KCNK2: variants seen among roughly 807,000 people sequenced by gnomAD.
KCNK2 encodes the protein potassium channel subfamily K member 2.
A neutral mutation model predicts 40.5 loss-of-function variants in KCNK2; 21 were observed. The observed-to-expected ratio is 0.52, with a 90% CI of 0.37 to 0.75. The LOEUF is 0.75. Ranked by LOEUF, KCNK2 falls within the 30% of genes least tolerant of loss-of-function variation. The pLI is 0.00. For synonymous variants in KCNK2, 191 were observed against 202.2 expected, an observed-to-expected ratio of 0.94 and a Z score of 0.47; for missense variants, 399 against 531.6, an observed-to-expected ratio of 0.75 and a Z score of 2.45.
At chr1:215,108,944 C>T (rs537582687) in intron 2 of KCNK2, among the ~76,000 whole-genome samples, 14 of 126,398 alleles carry the variant, frequency 1.1e-4, no homozygotes, top group African/African-American at 2.2e-4. Flanking sequence ...TGGAAAAAAA[C>T]GAAAATAGTT....
chr1:215,145,291 T>C (rs1039611682), intron 3 of KCNK2, among the ~76,000 whole-genome samples: 11 of 152,184 alleles, frequency 7.2e-5, no homozygotes, highest in Non-Finnish European at 1.3e-4. Context: ...GTATTCCTTT[T>C]ACTGTTTTAT....
intron 6 of KCNK2, among the ~76,000 whole-genome samples, chr1:215,201,405 A>G (rs1210312994): frequency 3.9e-5 from 6 of 152,196 alleles, no homozygotes; most frequent in African/African-American, 1.4e-4. Context: ...GGTGCAATAC[A>G]GTAGCTATAT....
chr1:215,219,737 TTG>T (rs1666098103), intron 6 of KCNK2, among the ~76,000 whole-genome samples: 1 of 152,214 alleles, frequency 6.6e-6, no homozygotes, highest in Admixed American at 6.5e-5. Flanking sequence ...TGTCAATTTA[TTG>T]TTTGTTTATT....
intron 5 of KCNK2, among the ~76,000 whole-genome samples, chr1:215,194,267 T>TA (rs146255082): frequency 6.6e-5 from 10 of 151,052 alleles, no homozygotes; most frequent in East Asian, 3.9e-4. Flanking sequence ...AGGATTAGAG[T>TA]AAAAAAAAAC....
chr1:215,032,271 A>G (rs1657228778), intron 1 of KCNK2, among the ~76,000 whole-genome samples: 3 of 151,898 alleles, frequency 2.0e-5, no homozygotes, highest in Admixed American at 6.6e-5. Context: ...TTAGGCGGGT[A>G]TGGTGGAACA....
rs1571684138 is a variant in KCNK2 at position 215,163,966 on chromosome 1, A to G, written c.476-5233A>G. On this transcript the variant is annotated intron_variant, in intron 3 of 6. Coordinates refer to ENST00000444842, the MANE Select transcript of KCNK2 (RefSeq NM_001017425.3). ...GTTAGGGAAGAGTCCCTCTTTTTCT[A>G]TTGTTTGGAATAGTTTCAGAAGGAA... Among the ~76,000 whole-genome samples, 7 of 151,990 alleles carry G rather than the reference A, an allele frequency of 4.6e-5. No individual in the cohort carries two copies. The East Asian group carries it at 1.4e-3, about 29-fold the overall frequency.
intron 6 of KCNK2, among the ~76,000 whole-genome samples, chr1:215,225,393 T>A (rs1432769139): frequency 6.6e-6 from 1 of 152,268 alleles, no homozygotes; most frequent in Non-Finnish European, 1.5e-5. Context: ...TCTTCTTACA[T>A]ACTTGCCTTT....
chr1:215,131,515 A>G (rs1293112247), intron 3 of KCNK2, among the ~76,000 whole-genome samples: 1 of 147,476 alleles, frequency 6.8e-6, no homozygotes, highest in Admixed American at 6.8e-5. Context: ...AAATTATATT[A>G]ATTATAATTA....
At chr1:215,052,005 TTAAG>T (rs1658006854) in intron 1 of KCNK2, among the ~76,000 whole-genome samples, 1 of 152,224 alleles carries the variant, frequency 6.6e-6, no homozygotes, top group Non-Finnish European at 1.5e-5. Flanking sequence ...CAAACATTTA[TTAAG>T]TACCTACTAT....
At chr1:215,184,313 A>G (rs2102652071) in intron 5 of KCNK2, among the ~76,000 whole-genome samples, 1 of 152,312 alleles carries the variant, frequency 6.6e-6, no homozygotes, top group Non-Finnish European at 1.5e-5. Flanking sequence ...TGATAACAAA[A>G]ATATACTTGT....
At chr1:215,040,012 A>G (rs1348608490) in intron 1 of KCNK2, among the ~76,000 whole-genome samples, 1 of 152,064 alleles carries the variant, frequency 6.6e-6, no homozygotes, top group African/African-American at 2.4e-5. Flanking sequence ...CATTTTTACA[A>G]GTGGGGAGGG....
intron 1 of KCNK2, among the ~76,000 whole-genome samples, chr1:215,064,228 T>C (rs1175137131): frequency 2.0e-5 from 3 of 152,192 alleles, no homozygotes; most frequent in Non-Finnish European, 4.4e-5. Context: ...ACCTGTAACA[T>C]CTAAAATATC....
intron 1 of KCNK2, among the ~76,000 whole-genome samples, chr1:215,064,783 T>G (rs1658482328): frequency 6.6e-6 from 1 of 152,204 alleles, no homozygotes; most frequent in African/African-American, 2.4e-5. Flanking sequence ...TATTGACATG[T>G]CCACTCTGAA....
intron 6 of KCNK2, among the ~76,000 whole-genome samples, chr1:215,231,945 C>T (rs190927575): frequency 5.3e-5 from 8 of 152,200 alleles, no homozygotes; most frequent in Admixed American, 3.3e-4. Flanking sequence ...GAGAACAACA[C>T]GGGAAAGACC....
intron 6 of KCNK2, among the ~76,000 whole-genome samples, chr1:215,200,617 G>A (rs1443618103): frequency 6.6e-6 from 1 of 152,150 alleles, no homozygotes; most frequent in Admixed American, 6.5e-5. Flanking sequence ...TGAATTAGTT[G>A]CAAACAAAGC....
At chr1:215,136,263 T>A (rs11120505) in intron 3 of KCNK2, among the ~76,000 whole-genome samples, 1 of 151,732 alleles carries the variant, frequency 6.6e-6, no homozygotes, top group Admixed American at 6.6e-5. Flanking sequence ...GTCCAGCTAA[T>A]TTTTTATATT....
In KCNK2 at chr1:215,040,173, A is replaced by G. The variant is rs193139070; in HGVS notation, c.34+34218A>G. ...GTTGGATGTGAACTCCCCACTTAGC[A>G]TTATGGGATGTTAGGTGAGTTATTT... On this transcript the variant is annotated intron_variant, in intron 1 of 6. Coordinates refer to the KCNK2 transcript ENST00000391895. 8.5e-5 allele frequency among the ~76,000 whole-genome samples: 13 copies of G among 152,250 alleles called. No individual in the cohort carries two copies. The East Asian group carries it at 2.5e-3, about 29-fold the overall frequency.
chr1:215,203,316 A>G (rs1665156383), intron 6 of KCNK2, among the ~76,000 whole-genome samples: 1 of 152,186 alleles, frequency 6.6e-6, no homozygotes, highest in Non-Finnish European at 1.5e-5. Flanking sequence ...AGCTCTGCAA[A>G]CATCACCAAA....
intron 1 of KCNK2, among the ~76,000 whole-genome samples, chr1:215,044,317 C>A (rs1657668548): frequency 6.6e-6 from 1 of 152,004 alleles, no homozygotes; most frequent in Admixed American, 6.6e-5. Flanking sequence ...TCTAGGAATT[C>A]CGGTGGTGAA....
Sources: gnomAD v4.1 joint callset for allele counts (sites outside exome capture counted in the v4.1 genomes callset) on GRCh38, gnomAD v4.1.1 for gene constraint, MANE v1.5 for transcripts, NCBI Gene and HGNC (gene_info 2026-07-23, HGNC 2026-07-21) for gene names.